STXBP6: variants seen among roughly 807,000 people sequenced by gnomAD.
STXBP6 encodes the protein syntaxin-binding protein 6.
Under a neutral mutation model 26.9 loss-of-function variants are expected in STXBP6, and 21 were observed. The observed-to-expected ratio is 0.78, with a 90% CI of 0.55 to 1.12. The LOEUF is 1.12. Among genes scored for constraint, STXBP6 ranks in the 50% most tolerant of loss-of-function variants. STXBP6 has a pLI of 0.00. For missense variants in STXBP6, 232 were observed against 257.9 expected (o/e 0.90, Z 0.69); for synonymous variants, 97 against 92.6 (o/e 1.05, Z -0.27).
chr14:24,893,457 G>A (rs1484250223), intron 2 of STXBP6, among the ~76,000 whole-genome samples: 1 of 152,096 alleles, frequency 6.6e-6, no homozygotes, highest in East Asian at 1.9e-4. Context: ...CTGGCTTCAG[G>A]GTCTGTGTTC....
intron 2 of STXBP6, among the ~76,000 whole-genome samples, chr14:24,859,586 A>G (rs542049223): frequency 6.6e-6 from 1 of 152,226 alleles, no homozygotes; most frequent in South Asian, 2.1e-4. Flanking sequence ...TACGCCAGTC[A>G]CACAAAATCC....
chr14:25,040,760 A>C (rs1595362446), intron 1 of STXBP6, among the ~76,000 whole-genome samples: 1 of 152,166 alleles, frequency 6.6e-6, no homozygotes, highest in Non-Finnish European at 1.5e-5. Context: ...GGGATACAAA[A>C]ATGAAGATCC....
At chr14:24,880,942 T>C (rs1230994462) in intron 2 of STXBP6, among the ~76,000 whole-genome samples, 1 of 152,178 alleles carries the variant, frequency 6.6e-6, no homozygotes, top group Non-Finnish European at 1.5e-5. Context: ...GCAACTGTGT[T>C]TTCTCATTGT....
At chr14:25,006,748 C>CTTGG (rs1253185382) in intron 1 of STXBP6, among the ~76,000 whole-genome samples, 1 of 152,100 alleles carries the variant, frequency 6.6e-6, no homozygotes, top group Non-Finnish European at 1.5e-5. Flanking sequence ...CCTTGAGGCC[C>CTTGG]TCAATGATTC....
chr14:24,990,699 A>G (rs2074447072), intron 1 of STXBP6, among the ~76,000 whole-genome samples: 1 of 151,040 alleles, frequency 6.6e-6, no homozygotes, highest in Non-Finnish European at 1.5e-5. Flanking sequence ...GGTCAATTAG[A>G]TCCTGAAAGA....
At chr14:25,034,409 C>T (rs765336256) in intron 1 of STXBP6, among the ~76,000 whole-genome samples, 1 of 152,220 alleles carries the variant, frequency 6.6e-6, no homozygotes, top group East Asian at 1.9e-4. Flanking sequence ...ATTTCCCCAT[C>T]CCTCACGTAA....
At chr14:24,856,192 A>G in intron 3 of STXBP6, 91 bp from the exon 4 acceptor site, 2 of 1,276,122 alleles carry the variant, frequency 1.6e-6, no homozygotes, top group African/African-American at 1.5e-5. Context: ...AAGGGCTAAA[A>G]CAAAGACTTT....
intron 1 of STXBP6, among the ~76,000 whole-genome samples, chr14:25,030,722 G>C (rs1303200066): frequency 6.6e-6 from 1 of 151,970 alleles, no homozygotes; most frequent in African/African-American, 2.4e-5. Context: ...GTCCCTCCTC[G>C]GCCTTTAAAG....
intron 2 of STXBP6, among the ~76,000 whole-genome samples, chr14:24,883,765 C>T (rs543603541): frequency 4.6e-5 from 7 of 152,138 alleles, no homozygotes; most frequent in Non-Finnish European, 8.8e-5. Flanking sequence ...GCTTACTCAC[C>T]AGTTTTTGTT....
At chr14:24,822,825 T>C (rs966562049) in intron 4 of STXBP6, among the ~76,000 whole-genome samples, 18 of 152,230 alleles carry the variant, frequency 1.2e-4, no homozygotes, top group Non-Finnish European at 5.9e-5. Flanking sequence ...TACCTTTGTA[T>C]ATCCTGCTAT....
intron 1 of STXBP6, among the ~76,000 whole-genome samples, chr14:25,005,732 G>A (rs1168531694): frequency 6.7e-6 from 1 of 150,096 alleles, no homozygotes. Flanking sequence ...TATTGGAAGT[G>A]ATGAAAAAAT....
chr14:24,822,333 T>C (rs2068158983), intron 4 of STXBP6, among the ~76,000 whole-genome samples: 1 of 152,196 alleles, frequency 6.6e-6, no homozygotes, highest in Non-Finnish European at 1.5e-5. Flanking sequence ...CTTGCCTTTT[T>C]ACCATCCTCT....
rs143563663 is a variant in STXBP6 at position 24,857,065 on chromosome 14, C to G, written c.247G>C (p.Glu83Gln). 1.2e-6 allele frequency: 2 copies of G among 1,612,932 alleles called. No homozygotes were observed. Among genetic ancestry groups the G allele is most frequent in the Admixed American group, 3.3e-5 (2 of 59,946 alleles). ...SFVRRSQWML[E>Q]QLRQVNGIDP... Reference sequence around the variant, plus strand: ...ATACCATTAACCTGGCGAAGCTGCTCGAGCATCCACTGTGATCTCCGAACA... The same window carrying G: ...ATACCATTAACCTGGCGAAGCTGCTGGAGCATCCACTGTGATCTCCGAACA... Residue 83 changes from glutamate to glutamine, a missense_variant, in exon 3 of 6, where the codon GAG (glutamate) becomes CAG (glutamine). By Grantham distance (29) the Glu-to-Gln change is conservative. Coordinates refer to ENST00000323944, the MANE Select transcript of STXBP6 (RefSeq NM_001394410.1).
At chr14:24,892,366 T>G (rs1245840128) in intron 2 of STXBP6, among the ~76,000 whole-genome samples, 1 of 152,210 alleles carries the variant, frequency 6.6e-6, no homozygotes, top group Non-Finnish European at 1.5e-5. Context: ...TAGAATTTTT[T>G]AAATTGATGT....
intron 4 of STXBP6, among the ~76,000 whole-genome samples, chr14:24,850,043 A>G (rs1422230593): frequency 1.3e-5 from 2 of 152,148 alleles, no homozygotes; most frequent in African/African-American, 4.8e-5. Flanking sequence ...ATCATGGCAA[A>G]TGTTATAGAT....
At chr14:24,836,691 T>C (rs548424398) in intron 4 of STXBP6, among the ~76,000 whole-genome samples, 2 of 151,178 alleles carry the variant, frequency 1.3e-5, no homozygotes, top group South Asian at 4.2e-4. Flanking sequence ...TTCCCTATGT[T>C]AGTCCTTGTA....
At chr14:24,911,214 A>G (rs996007426) in intron 2 of STXBP6, among the ~76,000 whole-genome samples, 2 of 151,794 alleles carry the variant, frequency 1.3e-5, no homozygotes, top group African/African-American at 4.8e-5. Context: ...GCACATACCC[A>G]TGGTCCCAGC....
intron 1 of STXBP6, among the ~76,000 whole-genome samples, chr14:25,019,185 T>C (rs2075215111): frequency 6.6e-6 from 1 of 152,222 alleles, no homozygotes; most frequent in African/African-American, 2.4e-5. Flanking sequence ...TCAGAAACTT[T>C]ATGTTCTTAC....
At chr14:25,001,715 C>T (rs185483586) in intron 1 of STXBP6, among the ~76,000 whole-genome samples, 1 of 152,288 alleles carries the variant, frequency 6.6e-6, no homozygotes, top group East Asian at 1.9e-4. Context: ...GTTTCAAAAT[C>T]TGGGCTCGAT....
Sources: allele counts gnomAD v4.1 joint callset (sites outside exome capture counted in the v4.1 genomes callset), GRCh38; gene constraint gnomAD v4.1.1; transcripts MANE v1.5; gene names NCBI Gene and HGNC (gene_info 2026-07-23, HGNC 2026-07-21).